RTN4RL1: variants seen among roughly 807,000 people sequenced by gnomAD.
The protein encoded by RTN4RL1 is reticulon 4 receptor like 1, also known as reticulon-4 receptor-like 1.
Under a neutral mutation model 25.6 loss-of-function variants are expected in RTN4RL1, and 7 were observed. The observed-to-expected ratio is 0.27, with a 90% confidence interval of 0.16 to 0.51. The LOEUF (loss-of-function observed/expected upper bound fraction) is 0.51. RTN4RL1 is among the 20% of genes least tolerant of loss of function. The pLI, the probability that RTN4RL1 is intolerant of heterozygous loss-of-function variation, is 0.97. For synonymous variants in RTN4RL1, 297 were observed against 288.2 expected (o/e 1.03, Z -0.31); for missense variants, 500 against 615.6 (o/e 0.81, Z 1.99).
At chr17:2,018,396 C>T (rs371523944) in intron 1 of RTN4RL1, among the ~76,000 whole-genome samples, 9 of 152,134 alleles carry the variant, frequency 5.9e-5, no homozygotes, top group South Asian at 2.1e-4. Flanking sequence ...TTCCAGACAC[C>T]GGGGGAGAGG....
intron 1 of RTN4RL1, among the ~76,000 whole-genome samples, chr17:1,980,470 C>G (rs1003095553): frequency 6.6e-6 from 1 of 152,092 alleles, no homozygotes; most frequent in East Asian, 1.9e-4. Flanking sequence ...TTCGGCTATT[C>G]GGTGGAGAGC....
chr17:1,967,711 C>T (rs1260031924), intron 1 of RTN4RL1, among the ~76,000 whole-genome samples: 2 of 152,084 alleles, frequency 1.3e-5, no homozygotes, highest in Non-Finnish European at 2.9e-5. Context: ...GCCATCTCAG[C>T]TCACTGCAAC....
At chr17:2,012,862 C>T (rs2067067491) in intron 1 of RTN4RL1, among the ~76,000 whole-genome samples, 1 of 151,320 alleles carries the variant, frequency 6.6e-6, no homozygotes, top group African/African-American at 2.4e-5. Flanking sequence ...GGCATGATCT[C>T]GGCTCACCGC....
chr17:1,948,769 C>T (rs1414081012), intron 1 of RTN4RL1, among the ~76,000 whole-genome samples: 7 of 118,900 alleles, frequency 5.9e-5, no homozygotes, highest in South Asian at 3.2e-4. Flanking sequence ...AGGGGGAGGG[C>T]GTGGGGTGGG....
intron 1 of RTN4RL1, among the ~76,000 whole-genome samples, chr17:1,995,008 G>A (rs1171150290): frequency 1.3e-5 from 2 of 152,068 alleles, no homozygotes; most frequent in African/African-American, 4.8e-5. Flanking sequence ...AAGGCCCTGT[G>A]TCTGGAGCAT....
intron 1 of RTN4RL1, among the ~76,000 whole-genome samples, chr17:1,984,806 A>G (rs1252792307): frequency 6.6e-6 from 1 of 152,130 alleles, no homozygotes; most frequent in Non-Finnish European, 1.5e-5. Context: ...GTCTCTACTA[A>G]AAATACAAAA....
At chr17:1,956,805 C>T (rs1447002235) in intron 1 of RTN4RL1, among the ~76,000 whole-genome samples, 1 of 149,456 alleles carries the variant, frequency 6.7e-6, no homozygotes, top group Non-Finnish European at 1.5e-5. Context: ...CGCAATGGTG[C>T]GATCTCAGCT....
In RTN4RL1 at chr17:1,940,182, C is replaced by T. The variant is rs569917582; in HGVS notation, c.14-2374G>A. 3.9e-5 allele frequency among the ~76,000 whole-genome samples: 6 copies of T among 152,358 alleles called. No individual in the cohort carries two copies. In the South Asian group the frequency reaches 1.2e-3, roughly 32 times the overall value. ...CCAGAGAGTGGCAGCTGCTTCCCGT[C>T]CCCTGTAATCACCCGGCTTCGACTG... On this transcript the variant is annotated intron_variant, in intron 1 of 1. Transcript: ENST00000331238.
At chr17:1,949,042 C>T (rs991615556) in intron 1 of RTN4RL1, among the ~76,000 whole-genome samples, 5 of 152,080 alleles carry the variant, frequency 3.3e-5, no homozygotes, top group Admixed American at 6.5e-5. Context: ...CTGCAAGCTC[C>T]GCCTCCCGGG....
chr17:1,986,952 G>A (rs2151318069), intron 1 of RTN4RL1, among the ~76,000 whole-genome samples: 1 of 151,508 alleles, frequency 6.6e-6, no homozygotes, highest in East Asian at 1.9e-4. Context: ...CTAAGCCGCA[G>A]CTTCCTTATC....
chr17:2,017,362 G>C (rs2067137884), intron 1 of RTN4RL1, among the ~76,000 whole-genome samples: 1 of 152,206 alleles, frequency 6.6e-6, no homozygotes, highest in Non-Finnish European at 1.5e-5. Context: ...CATCGCTGGG[G>C]GCTGCAGTGG....
At chr17:1,939,279 G>A (rs1425253572) in intron 1 of RTN4RL1, among the ~76,000 whole-genome samples, 2 of 151,974 alleles carry the variant, frequency 1.3e-5, no homozygotes, top group Non-Finnish European at 2.9e-5. Context: ...CGTGAACCCG[G>A]GAGGTGGAGC....
rs750791987 is a variant in RTN4RL1 at position 1,936,971 on chromosome 17, G to T, written c.851C>A (p.Ser284Tyr). 1.2e-6 allele frequency: 2 copies of T among 1,607,572 alleles called. No individual in the cohort carries two copies. The highest frequency in any genetic ancestry group is 8.5e-7 in the Non-Finnish European group (1 of 1,178,768). ...RGSSSAVPCVSPGLRHGQDLK... is the reference protein window; with the variant it reads ...RGSSSAVPCVYPGLRHGQDLK... ...GTCCTGGCCGTGCCGCAGCCCAGGG[G>T]ACACACAGGGGACAGCGGAGCTGGA... Residue 284 changes from serine to tyrosine, a missense_variant, in exon 2 of 2, where the codon TCC becomes TAC. By Grantham distance (144) the Ser-to-Tyr change is moderately radical (BLOSUM62 -2). Coordinates refer to ENST00000331238, the MANE Select transcript of RTN4RL1 (RefSeq NM_178568.4).
intron 1 of RTN4RL1, among the ~76,000 whole-genome samples, chr17:2,015,164 G>A (rs1488426621): frequency 6.6e-6 from 1 of 152,166 alleles, no homozygotes; most frequent in African/African-American, 2.4e-5. Flanking sequence ...AGGTGCAAAG[G>A]GCATCATGGG....
chr17:1,946,497 C>T lies in RTN4RL1; in HGVS notation c.14-8689G>A, dbSNP rs117330583. Among the ~76,000 whole-genome samples, 1,090 of 151,778 alleles carry T rather than the reference C, an allele frequency of 7.2e-3. 29 individuals carry two copies. Among genetic ancestry groups the T allele is most frequent in the East Asian group, 0.059 (303 of 5,158 alleles). On this transcript the variant is annotated intron_variant, in intron 1 of 1. Coordinates refer to ENST00000331238, the MANE Select transcript of RTN4RL1 (RefSeq NM_178568.4). ...TGTTGAATGTGTGTCTGTGGGTGCA[C>T]GGGGTCTGCGTGGATCTATGTGTGA...
At chr17:1,937,991 C>T (rs1212112881) in intron 1 of RTN4RL1, among the ~76,000 whole-genome samples, 183 bp from the exon 2 acceptor site, 1 of 152,218 alleles carries the variant, frequency 6.6e-6, no homozygotes, top group South Asian at 2.1e-4. Flanking sequence ...TGAGAGGCCT[C>T]CCCTCCTTGG....
chr17:1,949,530 G>A (rs879833393), intron 1 of RTN4RL1, among the ~76,000 whole-genome samples: 4 of 152,204 alleles, frequency 2.6e-5, no homozygotes, highest in Middle Eastern at 3.4e-3. Flanking sequence ...CCCCAGCCCC[G>A]AAGACCCGCC....
intron 1 of RTN4RL1, among the ~76,000 whole-genome samples, chr17:1,999,223 G>A (rs1176438232): frequency 6.6e-6 from 1 of 150,896 alleles, no homozygotes; most frequent in African/African-American, 2.4e-5. Flanking sequence ...GGAGGCGGGC[G>A]GATCACGAGA....
At chr17:1,957,152 C>A (rs565090943) in intron 1 of RTN4RL1, among the ~76,000 whole-genome samples, 2 of 152,226 alleles carry the variant, frequency 1.3e-5, no homozygotes, top group Non-Finnish European at 2.9e-5. Context: ...CGGCTTGGTT[C>A]AAATACCTGA....
Sources: allele counts gnomAD v4.1 joint callset (sites outside exome capture counted in the v4.1 genomes callset), GRCh38; gene constraint gnomAD v4.1.1; transcripts MANE v1.5; gene names NCBI Gene and HGNC (gene_info 2026-07-23, HGNC 2026-07-21).